OPCML: variants seen among roughly 807,000 people sequenced by gnomAD.
OPCML encodes the protein opioid binding protein/cell adhesion molecule like, also known as opioid-binding protein/cell adhesion molecule.
OPCML carries 13 observed loss-of-function variants against 37.8 expected under a neutral mutation model. That is an observed-to-expected ratio of 0.34 (90% CI 0.22 to 0.55). The LOEUF is 0.55. Ranked by LOEUF, OPCML falls within the 20% of genes least tolerant of loss-of-function variation. OPCML has a pLI of 0.91. For missense variants in OPCML, 341 were observed against 435.6 expected, an observed-to-expected ratio of 0.78 and a Z score of 1.93; for synonymous variants, 176 against 168.8, an observed-to-expected ratio of 1.04 and a Z score of -0.33.
chr11:132,429,810 G>C (rs933501686), intron 7 of OPCML, among the ~76,000 whole-genome samples: 1 of 152,130 alleles, frequency 6.6e-6, no homozygotes, highest in African/African-American at 2.4e-5. Context: ...AAAGCATCCG[G>C]AATAAGGCTA....
Position 132,829,488 on chromosome 11 carries a change from A to G in OPCML, c.146+113438T>C, listed in dbSNP as rs143184712. Among the ~76,000 whole-genome samples, 430 of 152,328 alleles carry G rather than the reference A, an allele frequency of 2.8e-3. 3 individuals are homozygous for G. Among genetic ancestry groups the G allele is most frequent in the African/African-American group, 9.9e-3 (410 of 41,576 alleles). ...ACAAAGCACAAGACTGAAAACGTAC[A>G]TACAGAAGAGCTACCCTTTGCAGAC... On this transcript the variant is annotated intron_variant, in intron 2 of 7. Coordinates refer to ENST00000524381, the MANE Select transcript of OPCML (RefSeq NM_001012393.5).
In OPCML at chr11:133,286,191, C is replaced by A. The variant is rs185629526; in HGVS notation, c.61+246073G>T. Among the ~76,000 whole-genome samples, 227 of 152,228 alleles carry A rather than the reference C, an allele frequency of 1.5e-3. 2 individuals carry two copies. Among genetic ancestry groups the A allele is most frequent in the African/African-American group, 5.1e-3 (213 of 41,516 alleles). On this transcript the variant is annotated intron_variant, in intron 1 of 7. Coordinates refer to ENST00000524381, the MANE Select transcript of OPCML (RefSeq NM_001012393.5). ...CCTTGCTGGGCGCGGTGGCTCACGC[C>A]TGCAATTCCAGCACTTTGGGAGGCC...
At chr11:133,289,456 G>A (rs947656997) in intron 1 of OPCML, among the ~76,000 whole-genome samples, 35 of 151,104 alleles carry the variant, frequency 2.3e-4, no homozygotes, top group South Asian at 4.2e-4. Flanking sequence ...TTAGCCGGGC[G>A]TAGTGGCGGG....
chr11:132,456,060 T>G (rs1242117506), intron 4 of OPCML, among the ~76,000 whole-genome samples: 1 of 152,202 alleles, frequency 6.6e-6, no homozygotes, highest in Non-Finnish European at 1.5e-5. Context: ...TGTAGTCTAG[T>G]GCTCACTATC....
At chr11:133,069,854 A>G (rs1346169539) in intron 1 of OPCML, among the ~76,000 whole-genome samples, 1 of 152,088 alleles carries the variant, frequency 6.6e-6, no homozygotes, top group East Asian at 1.9e-4. Context: ...GCCAGCTCAG[A>G]GGAGGAGGGG....
intron 4 of OPCML, among the ~76,000 whole-genome samples, chr11:132,475,632 C>A (rs1234342119): frequency 1.3e-5 from 2 of 152,074 alleles, no homozygotes; most frequent in Non-Finnish European, 2.9e-5. Context: ...AAAGAGATAT[C>A]TCAAAGAAAA....
chr11:133,320,703 C>A (rs1233016278), intron 1 of OPCML, among the ~76,000 whole-genome samples: 1 of 152,036 alleles, frequency 6.6e-6, no homozygotes, highest in Non-Finnish European at 1.5e-5. Context: ...TGGAAACATC[C>A]CAATCAACCA....
chr11:132,492,770 G>A (rs1235006328), intron 4 of OPCML, among the ~76,000 whole-genome samples: 1 of 73,562 alleles, frequency 1.4e-5, no homozygotes, highest in East Asian at 6.1e-4. Flanking sequence ...CCTACCATGA[G>A]GGCAGGGGAC....
At chr11:133,355,160 T>C (rs1463970733) in intron 1 of OPCML, among the ~76,000 whole-genome samples, 1 of 152,232 alleles carries the variant, frequency 6.6e-6, no homozygotes, top group Non-Finnish European at 1.5e-5. Context: ...TCTACAAATT[T>C]GAAGTCGATG....
At chr11:133,005,929 A>C in intron 1 of OPCML, 1 of 985,406 alleles carries the variant, frequency 1.0e-6, no homozygotes. Flanking sequence ...CTCAGACTAA[A>C]TTTAGGCTCA....
At chr11:133,123,286 T>C (rs1214467683) in intron 1 of OPCML, among the ~76,000 whole-genome samples, 1 of 152,142 alleles carries the variant, frequency 6.6e-6, no homozygotes, top group African/African-American at 2.4e-5. Context: ...TCTCAGACTT[T>C]AAAAGATTTT....
intron 3 of OPCML, among the ~76,000 whole-genome samples, chr11:132,654,408 C>T (rs573151825): frequency 1.3e-5 from 2 of 152,270 alleles, no homozygotes; most frequent in African/African-American, 4.8e-5. Flanking sequence ...AAGATCCTCC[C>T]CAAGAGAATG....
At chr11:132,452,060 T>C (rs1442449087) in intron 4 of OPCML, among the ~76,000 whole-genome samples, 3 of 152,032 alleles carry the variant, frequency 2.0e-5, no homozygotes, top group African/African-American at 7.2e-5. Flanking sequence ...GATAACTGAT[T>C]TGTGTTCTGT....
intron 1 of OPCML, among the ~76,000 whole-genome samples, chr11:133,100,978 G>A (rs1198122698): frequency 2.6e-5 from 4 of 152,170 alleles, no homozygotes; most frequent in Non-Finnish European, 5.9e-5. Flanking sequence ...AGGCTGGAGT[G>A]CAGTGGCATG....
intron 1 of OPCML, among the ~76,000 whole-genome samples, chr11:133,354,213 G>GTTGATGACGTA (rs1565588542): frequency 6.6e-6 from 1 of 152,226 alleles, no homozygotes; most frequent in East Asian, 1.9e-4. Flanking sequence ...TGGTGGTGGT[G>GTTGATGACGTA]ATGATGCTGG....
At chr11:132,694,179 C>G (rs374301089) in intron 2 of OPCML, among the ~76,000 whole-genome samples, 1 of 42,978 alleles carries the variant, frequency 2.3e-5, no homozygotes, top group Non-Finnish European at 4.1e-5. Flanking sequence ...AAATCAATGT[C>G]TTTTTTTTTT....
intron 2 of OPCML, among the ~76,000 whole-genome samples, chr11:132,844,617 GC>G (rs1429450060): frequency 2.6e-5 from 4 of 152,078 alleles, no homozygotes; most frequent in African/African-American, 9.7e-5. Context: ...ATAGACCAGG[GC>G]TAAAAACATT....
At chr11:132,754,515 C>CT (rs987945809) in intron 2 of OPCML, among the ~76,000 whole-genome samples, 13 of 151,494 alleles carry the variant, frequency 8.6e-5, no homozygotes, top group Middle Eastern at 3.4e-3. Context: ...AATTAAACAT[C>CT]TTTTTTTTTA....
At chr11:133,158,568 C>T (rs1057400454) in intron 1 of OPCML, among the ~76,000 whole-genome samples, 2 of 151,656 alleles carry the variant, frequency 1.3e-5, no homozygotes, top group East Asian at 1.9e-4. Flanking sequence ...GGCATGGTGG[C>T]GGGCGCCTGT....
Sources: gnomAD v4.1 joint callset for allele counts (sites outside exome capture counted in the v4.1 genomes callset) on GRCh38, gnomAD v4.1.1 for gene constraint, MANE v1.5 for transcripts, NCBI Gene and HGNC (gene_info 2026-07-23, HGNC 2026-07-21) for gene names.